ACAP2: variants seen among roughly 807,000 people sequenced by gnomAD.
ACAP2 encodes arf-GAP with coiled-coil, ANK repeat and PH domain-containing protein 2.
ACAP2 carries 39 observed loss-of-function variants against 115.8 expected under a neutral mutation model. The ratio of observed to expected loss-of-function variants is 0.34; its 90% CI spans 0.26 to 0.44. The LOEUF (loss-of-function observed/expected upper bound fraction) is 0.44, where lower values mean the gene tolerates loss of function less well. ACAP2 is among the 20% of genes least tolerant of loss of function. The pLI, the probability that ACAP2 is intolerant of heterozygous loss-of-function variation, is 1.00. For synonymous variants in ACAP2, 289 were observed against 315.8 expected (o/e 0.92, Z 0.90); for missense variants, 662 against 927.6 (o/e 0.71, Z 3.72).
chr3:195,424,915 T>TA (rs34038109), intron 1 of ACAP2, among the ~76,000 whole-genome samples: 5,354 of 55,556 alleles, frequency 0.096, 617 homozygotes, highest in Admixed American at 0.11. Flanking sequence ...GACCCTGTCT[T>TA]AAAAAAAAAA....
intron 1 of ACAP2, chr3:195,413,061 C>A: frequency 3.8e-6 from 1 of 263,730 alleles, no homozygotes; most frequent in Non-Finnish European, 8.0e-6. Context: ...TTAAAATATT[C>A]ATGGTTGAAC....
rs77749568 is a variant in ACAP2 at position 195,302,262 on chromosome 3, A to C, written c.1117-88T>G. The C allele has an allele frequency of 1.7e-3, 2,116 of 1,223,496 alleles. 26 individuals carry two copies. In the African/African-American group the frequency reaches 0.029, roughly 17 times the overall value. The allele number at this position is 1,223,496 out of a possible 1,614,324, so 75.8% of individuals were successfully genotyped here. A position where few individuals can be genotyped will look rare whatever the true frequency, so the allele number is the denominator to read the frequency against. On this transcript the variant is annotated intron_variant, in intron 13 of 22. Transcript: ENST00000326793. Reference sequence around the variant, plus strand: ...CTACATGCTCCAAACTAAAGCTTCCAATCAATAAATTAAAGGCCTGTTACA... The same window carrying C: ...CTACATGCTCCAAACTAAAGCTTCCCATCAATAAATTAAAGGCCTGTTACA...
At chr3:195,367,306 G>C (rs753001834) in intron 4 of ACAP2, among the ~76,000 whole-genome samples, 3 of 152,164 alleles carry the variant, frequency 2.0e-5, no homozygotes, top group Non-Finnish European at 2.9e-5. Context: ...CACTCATTAA[G>C]AATCAGTTAT....
At chr3:195,282,133 A>C (rs1289470993) in intron 22 of ACAP2, 1 of 152,236 alleles carries the variant, frequency 6.6e-6, no homozygotes, top group Non-Finnish European at 1.5e-5. Flanking sequence ...GGCTTCTACT[A>C]TTAGCAATGC....
intron 4 of ACAP2, among the ~76,000 whole-genome samples, chr3:195,370,720 G>T (rs4677833): frequency 0.26 from 39,096 of 152,014 alleles, 5,715 homozygotes; most frequent in East Asian, 0.71. Context: ...GGAGGCCAAG[G>T]CAGGGGATCA....
intron 1 of ACAP2, among the ~76,000 whole-genome samples, chr3:195,427,726 A>G (rs772337391): frequency 2.3e-4 from 35 of 152,102 alleles, no homozygotes; most frequent in African/African-American, 5.6e-4. Context: ...CCTGGGCAAC[A>G]TGGCAAAACC....
At chr3:195,310,771 C>A (rs1211395116) in intron 10 of ACAP2, among the ~76,000 whole-genome samples, 3 of 152,110 alleles carry the variant, frequency 2.0e-5, no homozygotes. Flanking sequence ...TTTCTGAAAC[C>A]CAGTTCCTCT....
chr3:195,308,860 A>G, intron 10 of ACAP2, 23 bp from the exon 11 acceptor site: 2 of 1,579,894 alleles, frequency 1.3e-6, no homozygotes, highest in Non-Finnish European at 1.7e-6. Context: ...AAAATAGATT[A>G]AGTTTTCATA....
At chr3:195,375,030 A>G (rs1378832539) in intron 4 of ACAP2, among the ~76,000 whole-genome samples, 4 of 151,830 alleles carry the variant, frequency 2.6e-5, no homozygotes, top group Admixed American at 6.6e-5. Context: ...CATCTCTACT[A>G]AAAATACAAA....
At chr3:195,427,495 A>G (rs1714773399) in intron 1 of ACAP2, among the ~76,000 whole-genome samples, 1 of 152,178 alleles carries the variant, frequency 6.6e-6, no homozygotes, top group Non-Finnish European at 1.5e-5. Flanking sequence ...TCGACGGTGT[A>G]GCCTATTACA....
intron 1 of ACAP2, among the ~76,000 whole-genome samples, chr3:195,419,957 T>C (rs886197754): frequency 2.0e-5 from 3 of 152,230 alleles, no homozygotes; most frequent in Non-Finnish European, 4.4e-5. Context: ...TCCTCATTGC[T>C]CTTATTTTTC....
chr3:195,336,783 A>C, intron 7 of ACAP2, 149 bp downstream of exon 7: 1 of 678,782 alleles, frequency 1.5e-6, no homozygotes. Context: ...AAAGAAGTCC[A>C]GTGCCACATA....
intron 18 of ACAP2, among the ~76,000 whole-genome samples, chr3:195,292,921 C>CAAAAAAAAAAAAA: frequency 1.3e-5 from 1 of 76,730 alleles, no homozygotes; most frequent in Non-Finnish European, 2.4e-5. Flanking sequence ...GACTCAGTCT[C>CAAAAAAAAAAAAA]AAAAAAAAAA....
chr3:195,306,728 T>C (rs1318548765), intron 12 of ACAP2, 112 bp from the exon 13 acceptor site: 3 of 740,396 alleles, frequency 4.1e-6, no homozygotes, highest in South Asian at 2.0e-5. Flanking sequence ...GCCAAAAATA[T>C]ATATAATTTG....
At chr3:195,408,207 A>G (rs1712950639) in intron 1 of ACAP2, among the ~76,000 whole-genome samples, 1 of 152,192 alleles carries the variant, frequency 6.6e-6, no homozygotes, top group African/African-American at 2.4e-5. Context: ...CATGCCTGTA[A>G]TCCCAGCACT....
In ACAP2 at chr3:195,322,886, T is replaced by C. The variant is rs140960047; in HGVS notation, c.745-2073A>G. 3.3e-5 allele frequency among the ~76,000 whole-genome samples: 5 copies of C among 152,344 alleles called. No individual in the cohort carries two copies. In the East Asian group the frequency reaches 9.6e-4, roughly 29 times the overall value. ...ATTACTATTAATATCAGCTAATATT[T>C]TGTAGTACTTAAAATGTGACAGATT... On this transcript the variant is annotated intron_variant, in intron 9 of 22. Transcript: ENST00000326793.
intron 4 of ACAP2, among the ~76,000 whole-genome samples, chr3:195,373,003 A>AAAAAAAAAAAAAAAAAT: frequency 6.7e-6 from 1 of 149,500 alleles, no homozygotes; most frequent in Non-Finnish European, 1.5e-5. Flanking sequence ...AAAAAAAAAA[A>AAAAAAAAAAAAAAAAAT]AAAAAAAAAG....
At chr3:195,322,085 C>A (rs1407144482) in intron 9 of ACAP2, among the ~76,000 whole-genome samples, 2 of 152,164 alleles carry the variant, frequency 1.3e-5, no homozygotes, top group Non-Finnish European at 2.9e-5. Context: ...TTATCTAAAT[C>A]TTCACCTGAA....
intron 9 of ACAP2, among the ~76,000 whole-genome samples, chr3:195,323,787 G>A (rs893047055): frequency 8.7e-5 from 13 of 149,838 alleles, no homozygotes; most frequent in South Asian, 4.4e-4. Context: ...GGGTGTCAGC[G>A]AGTGGGGATG....
Sources: gnomAD v4.1 joint callset for allele counts (sites outside exome capture counted in the v4.1 genomes callset) on GRCh38, gnomAD v4.1.1 for gene constraint, MANE v1.5 for transcripts, NCBI Gene and HGNC (gene_info 2026-07-23, HGNC 2026-07-21) for gene names.